The following ACAD10 variants were observed in gnomAD, a reference collection of about 807,000 sequenced individuals.
ACAD10 encodes acyl-CoA dehydrogenase family member 10.
Under a neutral mutation model 116.8 loss-of-function variants are expected in ACAD10, and 112 were observed. The observed-to-expected ratio is 0.96, with a 90% CI of 0.82 to 1.12. The LOEUF is 1.12. ACAD10 is among the 50% of genes most tolerant of loss of function. The pLI is 0.00. For missense variants in ACAD10, 1,259 were observed against 1,350.2 expected (o/e 0.93, Z 1.06); for synonymous variants, 486 against 510.6 (o/e 0.95, Z 0.65).
chr12:111,735,019 C>T (rs937306443), intron 11 of ACAD10, among the ~76,000 whole-genome samples: 8 of 152,022 alleles, frequency 5.3e-5, no homozygotes, highest in Admixed American at 2.6e-4. Context: ...GTCAGGAGAT[C>T]GAGACCATCC....
intron 12 of ACAD10, among the ~76,000 whole-genome samples, chr12:111,743,355 G>A (rs1459803526): frequency 4.0e-5 from 6 of 151,600 alleles, no homozygotes; most frequent in African/African-American, 7.3e-5. Context: ...ATTTCCAGAT[G>A]ATGGAAATAT....
At chr12:111,708,613 G>C (rs1322344764) in intron 4 of ACAD10, among the ~76,000 whole-genome samples, 1 of 152,134 alleles carries the variant, frequency 6.6e-6, no homozygotes, top group South Asian at 2.1e-4. Context: ...GGGCCACTGG[G>C]TTTGTCCTTG....
intron 6 of ACAD10, 102 bp downstream of exon 6, chr12:111,712,759 G>C: frequency 7.5e-7 from 1 of 1,332,402 alleles, no homozygotes; most frequent in Non-Finnish European, 1.0e-6. Context: ...AGACAAAGAA[G>C]CTTTACAGTG....
chr12:111,724,621 A>G (rs1889157332), intron 8 of ACAD10, among the ~76,000 whole-genome samples: 1 of 152,158 alleles, frequency 6.6e-6, no homozygotes. Context: ...TGGCCAACAC[A>G]GCGAAACCCC....
In ACAD10 at chr12:111,746,185, C is replaced by T. The variant is rs748867631; in HGVS notation, c.2157C>T (p.Pro719=). 1 of 1,613,962 alleles carries T rather than the reference C, an allele frequency of 6.2e-7. No homozygotes were observed. The change falls in exon 14 of 21, where the codon CCC becomes CCT. Residue 719 remains proline (P), a synonymous_variant. Transcript: ENST00000313698. ...KAEGLWNLFL[P]LEADPEKKYG... is the part of the protein sequence containing the mutation. ...AAGGACTTTGGAACCTTTTCCTACC[C>T]TTAGAGGCTGATCCCGAGAAAAAAT... is the stretch of plus-strand genomic sequence containing the variant.
Position 111,746,246 on chromosome 12 carries a change from C to CTG in ACAD10, c.2223_2224dup (p.Glu742ValfsTer28). 1 of 1,613,954 alleles carries CTG rather than the reference C, an allele frequency of 6.2e-7. No individual in the cohort carries two copies. The highest frequency in any genetic ancestry group is 8.5e-7 in the Non-Finnish European group (1 of 1,179,954). On this transcript the variant is annotated frameshift_variant, in exon 14 of 21. Transcript: ENST00000313698. LOFTEE classifies it high-confidence loss of function. ...ACTGACCAATGTGGAATATGCACAT[C>CTG]TGTGTGAGCTCATGGGCACGTCCCT...
At chr12:111,707,418 T>C in intron 4 of ACAD10, among the ~76,000 whole-genome samples, 1 of 147,686 alleles carries the variant, frequency 6.8e-6, no homozygotes. Flanking sequence ...TTTAAAAATG[T>C]TTGTTTTTGT....
intron 8 of ACAD10, among the ~76,000 whole-genome samples, chr12:111,725,633 C>G (rs532194693): frequency 6.6e-6 from 1 of 151,908 alleles, no homozygotes; most frequent in South Asian, 2.1e-4. Flanking sequence ...CTCCTGGATT[C>G]AAGCAGTTCT....
intron 5 of ACAD10, chr12:111,710,391 ATTC>A: frequency 2.6e-6 from 1 of 382,470 alleles, no homozygotes; most frequent in Non-Finnish European, 5.3e-6. Context: ...CCTGGCTTCT[ATTC>A]TTCTATGTTT....
chr12:111,705,745 C>T lies in ACAD10; in HGVS notation c.344C>T (p.Thr115Ile). The T allele has an allele frequency of 1.9e-6, 3 of 1,613,864 alleles. No individual in the cohort carries two copies. Among genetic ancestry groups the T allele is most frequent in the Non-Finnish European group, 2.5e-6 (3 of 1,179,918 alleles). Residue 115 changes from threonine to isoleucine, a missense_variant, in exon 4 of 21, where the codon ACC becomes ATC. Physicochemically the swap from Thr to Ile is moderately conservative, Grantham distance 89 (BLOSUM62 -1). Transcript: ENST00000313698. The part of the protein sequence containing the change: ...FGRLCSEMLK[T>I]SVPVDSFFSL... ...GCCCTCTCCTGTTCTTAGTTAAAGA[C>T]CTCCGTGCCTGTGGACTCATTTTTC...
chr12:111,688,519 T>A (rs1167939423), intron 1 of ACAD10, among the ~76,000 whole-genome samples: 1 of 151,972 alleles, frequency 6.6e-6, no homozygotes, highest in African/African-American at 2.4e-5. Flanking sequence ...AAAAAGTACT[T>A]GACTTGGTGT....
chr12:111,729,108 T>G (rs181517997), intron 9 of ACAD10, among the ~76,000 whole-genome samples: 4 of 152,302 alleles, frequency 2.6e-5, no homozygotes, highest in African/African-American at 7.2e-5. Flanking sequence ...GTAACCTGCC[T>G]GAGATCACAG....
rs560344796 is a variant in ACAD10, at chr12:111,718,036, C to CTTTTTTTTTTTTTT, written c.992+2092_992+2105dup. On this transcript the variant is annotated intron_variant, in intron 7 of 20. Transcript: ENST00000313698. The stretch of plus-strand genomic sequence containing the variant: ...TATACGTAGGATCTATAGTGATATC[C>CTTTTTTTTTTTTTT]TTTTTTTTTTTTTTTTTTTTTTTTT... 3.1e-4 allele frequency among the ~76,000 whole-genome samples: 20 copies of CTTTTTTTTTTTTTT among 63,678 alleles called. 3 individuals carry two copies. Among genetic ancestry groups the CTTTTTTTTTTTTTT allele is most frequent in the African/African-American group, 1.6e-3 (20 of 12,208 alleles). The allele number at this position is 63,678 out of a possible 152,430, so 41.8% of individuals were successfully genotyped here. A position where few individuals can be genotyped will look rare whatever the true frequency, so the allele number is the denominator to read the frequency against.
chr12:111,746,954 C>G, intron 14 of ACAD10, 95 bp from the exon 15 acceptor site: 1 of 1,477,576 alleles, frequency 6.8e-7, no homozygotes, highest in African/African-American at 1.4e-5. Flanking sequence ...GAGCCATGAT[C>G]GTGCCACGAT....
intron 9 of ACAD10, among the ~76,000 whole-genome samples, chr12:111,728,920 G>A (rs190319882): frequency 1.4e-4 from 22 of 152,164 alleles, no homozygotes; most frequent in African/African-American, 5.1e-4. Context: ...AAACTCCTGC[G>A]CTCAAGTGAT....
rs527688294 is a variant in ACAD10 at position 111,686,064 on chromosome 12, G to T, written c.-189G>T. 30 of 240,572 alleles carry T rather than the reference G, an allele frequency of 1.2e-4. 1 individual carries two copies. In the East Asian group the frequency reaches 2.3e-3, roughly 19 times the overall value. 14.9% of individuals were successfully genotyped at this position (240,572 alleles called of 1,614,324 possible). ...GGCAGGGGTCACCCACTGCTCTTCC[G>T]GACGCAATTTTGAGGAGGTCGGAGC... On this transcript the variant is annotated 5_prime_UTR_variant, in exon 1 of 21. Coordinates refer to ENST00000313698, the MANE Select transcript of ACAD10 (RefSeq NM_025247.6).
At chr12:111,715,161 C>T (rs933391487) in intron 6 of ACAD10, among the ~76,000 whole-genome samples, 17 of 152,218 alleles carry the variant, frequency 1.1e-4, no homozygotes, top group Non-Finnish European at 1.9e-4. Flanking sequence ...CTCTGGCCAG[C>T]CAGAAGAACT....
chr12:111,755,857 C>G lies in ACAD10; in HGVS notation c.3039+112C>G, dbSNP rs751395797. 8 of 1,085,556 alleles carry G rather than the reference C, an allele frequency of 7.4e-6. No homozygotes were observed. The East Asian group carries it at 1.9e-4, about 26-fold the overall frequency. 67.2% of individuals were successfully genotyped at this position (1,085,556 alleles called of 1,614,324 possible). On this transcript the variant is annotated intron_variant, in intron 20 of 20. Coordinates refer to ENST00000313698, the MANE Select transcript of ACAD10 (RefSeq NM_025247.6). Reference sequence around the variant, plus strand: ...GACCCTGGCAGATGCCCTGTGTCACCCACTCACCATGCATGCAACTTTCCT... The same window carrying G: ...GACCCTGGCAGATGCCCTGTGTCACGCACTCACCATGCATGCAACTTTCCT...
chr12:111,709,751 C>G lies in ACAD10; in HGVS notation c.690+67C>G, dbSNP rs748634169. The G allele has an allele frequency of 4.8e-6, 7 of 1,445,080 alleles. 1 individual carries two copies. In the South Asian group the frequency reaches 9.6e-5, roughly 20 times the overall value. The allele number at this position is 1,445,080 out of a possible 1,614,324, so 89.5% of individuals were successfully genotyped here. ...CACTAATGCAATGTTTCTCTGTAATCTTTTTACATTTGTAGCTCTAGCTTT... is the reference window on the plus strand; with the variant it reads ...CACTAATGCAATGTTTCTCTGTAATGTTTTTACATTTGTAGCTCTAGCTTT... On this transcript the variant is annotated intron_variant, in intron 5 of 20. Coordinates refer to ENST00000313698, the MANE Select transcript of ACAD10 (RefSeq NM_025247.6).
Sources: allele counts gnomAD v4.1 joint callset (sites outside exome capture counted in the v4.1 genomes callset), GRCh38; gene constraint gnomAD v4.1.1; transcripts MANE v1.5; gene names NCBI Gene and HGNC (gene_info 2026-07-23, HGNC 2026-07-21).